PARD6B: variants seen among roughly 807,000 people sequenced by gnomAD.
PARD6B encodes the protein par-6 family cell polarity regulator beta.
Under a neutral mutation model 10.5 loss-of-function variants are expected in PARD6B, and 4 were observed. The observed-to-expected ratio is 0.38, with a 90% CI of 0.19 to 0.87. The LOEUF is 0.87. Ranked by LOEUF, PARD6B falls within the 40% of genes least tolerant of loss-of-function variation. The pLI is 0.41. For missense variants in PARD6B, 396 were observed against 470.6 expected (o/e 0.84, Z 1.47); for synonymous variants, 169 against 170.4 (o/e 0.99, Z 0.07).
chr20:50,738,175 T>C (rs2087510566), intron 2 of PARD6B, 96 bp downstream of exon 2: 2 of 820,696 alleles, frequency 2.4e-6, no homozygotes, highest in Non-Finnish European at 3.7e-6. Flanking sequence ...ACTTAGTGAA[T>C]AAACATTTTG....
chr20:50,739,810 T>C (rs1300494923), intron 2 of PARD6B, among the ~76,000 whole-genome samples: 2 of 70,344 alleles, frequency 2.8e-5, no homozygotes, highest in African/African-American at 1.1e-4. Flanking sequence ...AGTCTTACAG[T>C]AGAGAGCCAG....
At chr20:50,731,962 G>C (rs946186899) in intron 1 of PARD6B, 110 bp downstream of exon 1, 11 of 937,862 alleles carry the variant, frequency 1.2e-5, no homozygotes, top group Admixed American at 4.4e-5. Flanking sequence ...GCTGCCCCGG[G>C]GTCTGGACGG....
chr20:50,749,577 A>G, intron 2 of PARD6B, 82 bp from the exon 3 acceptor site: 2 of 1,201,254 alleles, frequency 1.7e-6, no homozygotes, highest in Non-Finnish European at 2.3e-6. Flanking sequence ...ATTTTGAGTT[A>G]TCCTTTCTGT....
At chr20:50,744,720 TTGTCGAGTCC>T (rs1243663624) in intron 2 of PARD6B, among the ~76,000 whole-genome samples, 1 of 150,208 alleles carries the variant, frequency 6.7e-6, no homozygotes, top group Non-Finnish European at 1.5e-5. Flanking sequence ...CTTCTGGATA[TTGTCGAGTCC>T]TGTGCCTGGA....
chr20:50,748,584 G>A (rs1339552863), intron 2 of PARD6B, among the ~76,000 whole-genome samples: 1 of 152,206 alleles, frequency 6.6e-6, no homozygotes, highest in Admixed American at 6.5e-5. Context: ...CGAGGCTGGA[G>A]TGCAGTGATC....
chr20:50,740,683 T>C lies in PARD6B; in HGVS notation c.289+2604T>C, dbSNP rs144280247. On this transcript the variant is annotated intron_variant, in intron 2 of 2. Coordinates refer to ENST00000371610, the MANE Select transcript of PARD6B (RefSeq NM_032521.3). ...ATTAATGGTAAAATGTCCAATATAA[T>C]TGATAGCCCTTAGAATTTGATTTAG... 5.7e-3 allele frequency among the ~76,000 whole-genome samples: 863 copies of C among 152,344 alleles called. 7 individuals carry two copies. Among genetic ancestry groups the C allele is most frequent in the African/African-American group, 0.02 (834 of 41,582 alleles).
At chr20:50,749,613 T>C (rs889070045) in intron 2 of PARD6B, 46 bp from the exon 3 acceptor site, 2 of 1,457,576 alleles carry the variant, frequency 1.4e-6, no homozygotes, top group African/African-American at 2.9e-5. Context: ...AGTGAATAGA[T>C]ATTTTTACAG....
chr20:50,733,425 A>G (rs1185942830), intron 1 of PARD6B, among the ~76,000 whole-genome samples: 1 of 151,782 alleles, frequency 6.6e-6, no homozygotes, highest in Non-Finnish European at 1.5e-5. Flanking sequence ...ACTCCATCTC[A>G]AAAAACAAAA....
At chr20:50,733,087 C>G (rs2087481011) in intron 1 of PARD6B, among the ~76,000 whole-genome samples, 1 of 152,150 alleles carries the variant, frequency 6.6e-6, no homozygotes, top group Admixed American at 6.6e-5. Flanking sequence ...CTGAGAATCA[C>G]ATCGAGAAAA....
chr20:50,753,076 T>TC lies in PARD6B; in HGVS notation c.*2588_*2589insC, dbSNP rs1555883174. On this transcript the variant is annotated 3_prime_UTR_variant, in exon 3 of 3. Coordinates refer to ENST00000371610, the MANE Select transcript of PARD6B (RefSeq NM_032521.3). ...AATATTTTTACACACTACCTCTCTCTTTTTTTTTTTAAAGTTTTAACATCA... is the reference window on the plus strand; with the variant it reads ...AATATTTTTACACACTACCTCTCTCTCTTTTTTTTTTAAAGTTTTAACATCA... The TC allele has an allele frequency of 7.8e-4, 605 of 773,822 alleles. No individual in the cohort carries two copies. The highest frequency in any genetic ancestry group is 1.3e-3 in the Middle Eastern group (2 of 1,540). 47.9% of individuals were successfully genotyped at this position (773,822 alleles called of 1,614,324 possible). A position where few individuals can be genotyped will look rare whatever the true frequency, so the allele number is the denominator to read the frequency against.
At chr20:50,743,029 A>C (rs1453578949) in intron 2 of PARD6B, among the ~76,000 whole-genome samples, 4 of 152,210 alleles carry the variant, frequency 2.6e-5, no homozygotes, top group African/African-American at 4.8e-5. Context: ...GGGGAAGAGA[A>C]GGTACAGAAT....
At chr20:50,737,011 T>C (rs1361371715) in intron 1 of PARD6B, among the ~76,000 whole-genome samples, 5 of 152,198 alleles carry the variant, frequency 3.3e-5, no homozygotes, top group African/African-American at 1.2e-4. Flanking sequence ...GTTCTTAGTG[T>C]TGAATAAGAG....
chr20:50,749,352 A>G (rs2087586653), intron 2 of PARD6B, among the ~76,000 whole-genome samples: 6 of 152,192 alleles, frequency 3.9e-5, no homozygotes, highest in Admixed American at 3.3e-4. Context: ...CAAAAAAAAA[A>G]AAAATATGTA....
chr20:50,741,736 C>T (rs866407634), intron 2 of PARD6B, among the ~76,000 whole-genome samples: 128 of 151,788 alleles, frequency 8.4e-4, no homozygotes, highest in African/African-American at 2.9e-3. Flanking sequence ...TTAGTAGAGA[C>T]GGGATTTCAC....
Position 50,752,477 on chromosome 20 carries a change from A to G in PARD6B, c.*1989A>G, listed in dbSNP as rs2087618888. 1 of 985,652 alleles carries G rather than the reference A, an allele frequency of 1.0e-6. No individual in the cohort carries two copies. Among genetic ancestry groups the G allele is most frequent in the Non-Finnish European group, 1.2e-6 (1 of 829,890 alleles). 61.1% of individuals were successfully genotyped at this position (985,652 alleles called of 1,614,324 possible). A position where few individuals can be genotyped will look rare whatever the true frequency, so the allele number is the denominator to read the frequency against. ...CTATTTATTACTTTCCAATGCATCC[A>G]CTTAGAACAAGCTAAGAGTAAGGCT... On this transcript the variant is annotated 3_prime_UTR_variant, in exon 3 of 3. Transcript: ENST00000371610.
chr20:50,734,537 T>TTTAC lies in PARD6B; in HGVS notation c.66+2687_66+2688insACTT, dbSNP rs2087489402. Among the ~76,000 whole-genome samples, 3 of 151,724 alleles carry TTTAC rather than the reference T, an allele frequency of 2.0e-5. No homozygotes were observed. In the Admixed American group the frequency reaches 2.0e-4, roughly 10 times the overall value. On this transcript the variant is annotated intron_variant, in intron 1 of 2. Transcript: ENST00000371610. ...ATTTATTTATTTATTTATTTATTTATTTTGTAGAGATGGGGTCTCTCCATG... is the reference window on the plus strand; with the variant it reads ...ATTTATTTATTTATTTATTTATTTATTTACTTTGTAGAGATGGGGTCTCTCCATG...
chr20:50,733,441 CAA>C (rs747084047), intron 1 of PARD6B, among the ~76,000 whole-genome samples: 2 of 151,778 alleles, frequency 1.3e-5, no homozygotes, highest in East Asian at 3.9e-4. Flanking sequence ...CAAAACAAAA[CAA>C]AAACAAAAAC....
chr20:50,753,629 CAAT>C lies in PARD6B; in HGVS notation c.*3142_*3144del. The C allele has an allele frequency of 1.3e-6, 1 of 799,316 alleles. No homozygotes were observed. The allele number at this position is 799,316 out of a possible 1,614,324, so 49.5% of individuals were successfully genotyped here. On this transcript the variant is annotated 3_prime_UTR_variant, in exon 3 of 3. Transcript: ENST00000371610. ...ACTATCAAATGTCAGTATTTTACTA[CAAT>C]TTTATTATAAAGTGTACATTATCAC...
chr20:50,735,244 T>C (rs1447553159), intron 1 of PARD6B, among the ~76,000 whole-genome samples: 1 of 152,228 alleles, frequency 6.6e-6, no homozygotes, highest in Admixed American at 6.5e-5. Context: ...GAATGGAGAA[T>C]GTAAATATAC....
Sources: allele counts gnomAD v4.1 joint callset (sites outside exome capture counted in the v4.1 genomes callset), GRCh38; gene constraint gnomAD v4.1.1; transcripts MANE v1.5; gene names NCBI Gene and HGNC (gene_info 2026-07-23, HGNC 2026-07-21).